The following WNK1 variants were observed in gnomAD, a reference collection of about 807,000 sequenced individuals.
The protein encoded by WNK1 is serine/threonine-protein kinase WNK1.
A neutral mutation model predicts 222.8 loss-of-function variants in WNK1; 38 were observed. The observed-to-expected ratio is 0.17, with a 90% CI of 0.13 to 0.22. The LOEUF (loss-of-function observed/expected upper bound fraction) is 0.22, where lower values mean the gene tolerates loss of function less well. Among genes scored for constraint, WNK1 ranks in the 10% least tolerant of loss-of-function variants. The pLI, the probability that WNK1 is intolerant of heterozygous loss-of-function variation, is 1.00. For synonymous variants in WNK1, 1,090 were observed against 1,092.9 expected (o/e 1.00, Z 0.05); for missense variants, 2,348 against 2,918.4 (o/e 0.80, Z 4.50).
At chr12:876,237 G>A (rs947363465) in intron 9 of WNK1, among the ~76,000 whole-genome samples, 5 of 151,998 alleles carry the variant, frequency 3.3e-5, no homozygotes, top group African/African-American at 9.7e-5. Context: ...GTGAAAACCC[G>A]TCTCTACTAA....
chr12:844,701 C>A (rs1264108286), intron 4 of WNK1, among the ~76,000 whole-genome samples: 1 of 152,096 alleles, frequency 6.6e-6, no homozygotes, highest in African/African-American at 2.4e-5. Context: ...CCATTCCCAT[C>A]TTCTGGCTTC....
intron 1 of WNK1, among the ~76,000 whole-genome samples, chr12:789,485 T>C (rs1944637955): frequency 6.6e-6 from 1 of 151,776 alleles, no homozygotes; most frequent in Non-Finnish European, 1.5e-5. Context: ...GTATTATTAG[T>C]CCTTTGTTCT....
At chr12:872,491 A>G (rs1483940031) in intron 9 of WNK1, among the ~76,000 whole-genome samples, 1 of 152,208 alleles carries the variant, frequency 6.6e-6, no homozygotes, top group African/African-American at 2.4e-5. Flanking sequence ...CAAGGAATTC[A>G]AGAGATTAGT....
At chr12:824,668 TA>T (rs1263899154) in intron 2 of WNK1, among the ~76,000 whole-genome samples, 1 of 75,738 alleles carries the variant, frequency 1.3e-5, no homozygotes, top group African/African-American at 3.6e-5. Context: ...TGGGAATAGT[TA>T]AAAAAAAGAG....
At chr12:756,579 C>T (rs944254923) in intron 1 of WNK1, among the ~76,000 whole-genome samples, 1 of 152,180 alleles carries the variant, frequency 6.6e-6, no homozygotes. Context: ...TTTGTCTGTG[C>T]TTCTGTAATT....
At chr12:852,530 T>C (rs1950493100) in intron 4 of WNK1, among the ~76,000 whole-genome samples, 1 of 152,194 alleles carries the variant, frequency 6.6e-6, no homozygotes, top group Non-Finnish European at 1.5e-5. Context: ...AGTTGTTGGC[T>C]CTGGAGGAGT....
chr12:882,478 C>T (rs1371416632), intron 14 of WNK1, among the ~76,000 whole-genome samples: 2 of 152,198 alleles, frequency 1.3e-5, no homozygotes, highest in African/African-American at 4.8e-5. Flanking sequence ...GGATTACAGG[C>T]ACCCAGCCAG....
intron 2 of WNK1, among the ~76,000 whole-genome samples, chr12:823,420 C>G (rs913959323): frequency 6.6e-6 from 1 of 152,150 alleles, no homozygotes; most frequent in Non-Finnish European, 1.5e-5. Context: ...ATATTTTGCT[C>G]AACTTGATGG....
intron 1 of WNK1, among the ~76,000 whole-genome samples, chr12:764,634 C>CAAAAAAAAAAAAAA (rs529312629): frequency 2.0e-5 from 1 of 50,158 alleles, no homozygotes; most frequent in Non-Finnish European, 3.6e-5. Context: ...AACTCCGTCT[C>CAAAAAAAAAAAAAA]AAAAAAAAAA....
chr12:828,310 A>G (rs1948527624), intron 3 of WNK1, among the ~76,000 whole-genome samples: 2 of 152,170 alleles, frequency 1.3e-5, no homozygotes, highest in South Asian at 4.1e-4. Flanking sequence ...CATCTCCAAA[A>G]TAAAAAAAAT....
At chr12:873,706 G>A (rs1170386625) in intron 9 of WNK1, among the ~76,000 whole-genome samples, 2 of 152,120 alleles carry the variant, frequency 1.3e-5, no homozygotes, top group South Asian at 2.1e-4. Context: ...GGAGTTCCAC[G>A]TTTGAAAAAA....
intron 8 of WNK1, among the ~76,000 whole-genome samples, chr12:863,896 A>G (rs1371300740): frequency 1.3e-5 from 2 of 152,326 alleles, no homozygotes; most frequent in South Asian, 2.1e-4. Context: ...GAATGAAACT[A>G]AACAATCATA....
At chr12:879,470 C>CTT in intron 10 of WNK1, 103 bp from the exon 11 acceptor site, 2 of 658,312 alleles carry the variant, frequency 3.0e-6, no homozygotes, top group Non-Finnish European at 4.5e-6. Flanking sequence ...TTGTTTTTTC[C>CTT]TTCTTTTTGG....
At position 839,660 on chromosome 12, in the gene WNK1, G is replaced by T. The variant is rs144458710; in HGVS notation, c.1311+9500G>T. Among the ~76,000 whole-genome samples the T allele has an allele frequency of 7.8e-4, 118 of 151,996 alleles. 1 individual carries two copies. The highest frequency in any genetic ancestry group is 2.7e-3 in the African/African-American group (114 of 41,456). On this transcript the variant is annotated intron_variant, in intron 4 of 27. Coordinates refer to ENST00000315939, the MANE Select transcript of WNK1 (RefSeq NM_018979.4). ...TTAAATATATAACTTTAGATTTGGG[G>T]ACTATAAAATTTATAATTTGTATAT...
At chr12:800,351 ATACT>A (rs1256250707) in intron 1 of WNK1, among the ~76,000 whole-genome samples, 1 of 152,070 alleles carries the variant, frequency 6.6e-6, no homozygotes, top group African/African-American at 2.4e-5. Flanking sequence ...TGAGTTTATA[ATACT>A]TTATATATAG....
chr12:754,435 G>T, intron 1 of WNK1, 111 bp downstream of exon 1: 1 of 1,405,452 alleles, frequency 7.1e-7, no homozygotes. Flanking sequence ...GACTCCGAGT[G>T]GGACGGGGAG....
intron 1 of WNK1, among the ~76,000 whole-genome samples, chr12:807,723 T>A (rs1460303001): frequency 2.1e-4 from 28 of 134,216 alleles, no homozygotes; most frequent in African/African-American, 8.5e-4. Flanking sequence ...TTTTTTTTTT[T>A]TTTTTTTTTT....
chr12:825,510 T>C (rs1163501917), intron 2 of WNK1, among the ~76,000 whole-genome samples: 2 of 152,184 alleles, frequency 1.3e-5, no homozygotes, highest in Non-Finnish European at 2.9e-5. Flanking sequence ...TATGCTGTAA[T>C]TTTCATATCT....
intron 26 of WNK1, chr12:900,913 C>T (rs1311299434): frequency 1.6e-5 from 9 of 553,134 alleles, no homozygotes; most frequent in African/African-American, 3.8e-5. Flanking sequence ...TCTGTGTGGC[C>T]TATATGACTT....
Sources: gnomAD v4.1 joint callset for allele counts (sites outside exome capture counted in the v4.1 genomes callset) on GRCh38, gnomAD v4.1.1 for gene constraint, MANE v1.5 for transcripts, NCBI Gene and HGNC (gene_info 2026-07-23, HGNC 2026-07-21) for gene names.